Variants in FAM47E observed in about 807,000 individuals in gnomAD.
FAM47E encodes the protein protein FAM47E.
FAM47E carries 32 observed loss-of-function variants against 41.6 expected under a neutral mutation model. That is an observed-to-expected ratio of 0.77 (90% CI 0.58 to 1.03). FAM47E has a LOEUF of 1.03. FAM47E is among the 50% of genes least tolerant of loss of function. FAM47E has a pLI of 0.00. For synonymous variants in FAM47E, 184 were observed against 188.7 expected (o/e 0.98, Z 0.20); for missense variants, 424 against 485.4 (o/e 0.87, Z 1.19).
Position 76,283,247 on chromosome 4 carries a change from T to C in FAM47E, c.1105-134T>C, listed in dbSNP as rs369323350. On this transcript the variant is annotated intron_variant, in intron 7 of 7. Transcript: ENST00000424749. The stretch of plus-strand genomic sequence containing the variant: ...ATCTATCATGGTCAGATTATTAACA[T>C]GTGATTTTGCATAGTGTAAGGATAT... 8.2e-6 allele frequency: 3 copies of C among 367,380 alleles called. No homozygotes were observed. In the East Asian group the frequency reaches 9.0e-5, roughly 11 times the overall value. The allele number at this position is 367,380 out of a possible 1,614,324, so 22.8% of individuals were successfully genotyped here.
At chr4:76,242,358 G>A (rs986853564) in intron 2 of FAM47E, among the ~76,000 whole-genome samples, 1 of 152,184 alleles carries the variant, frequency 6.6e-6, no homozygotes, top group African/African-American at 2.4e-5. Flanking sequence ...CACCAAGTGA[G>A]ATGCCTGTGC....
upstream of FAM47E, among the ~76,000 whole-genome samples, chr4:76,247,043 C>T (rs563843591): frequency 2.6e-4 from 39 of 152,156 alleles, no homozygotes; most frequent in African/African-American, 9.2e-4. Flanking sequence ...ATCATTATCA[C>T]TATTTCAAAA....
intron 2 of FAM47E, among the ~76,000 whole-genome samples, chr4:76,229,995 C>A (rs1186165063): frequency 6.6e-6 from 1 of 152,198 alleles, no homozygotes; most frequent in African/African-American, 2.4e-5. Flanking sequence ...TTCAAGAGAG[C>A]ACCAGCTACG....
chr4:76,247,863 A>T (rs1733860329), upstream of FAM47E, among the ~76,000 whole-genome samples: 1 of 145,370 alleles, frequency 6.9e-6, no homozygotes, highest in Non-Finnish European at 1.5e-5. Flanking sequence ...TATCAGGTAT[A>T]TGATGTGCAA....
At chr4:76,214,122 T>C (rs1194791023) in exon 1 of FAM47E, 1 of 417,600 alleles carries the variant, frequency 2.4e-6, no homozygotes, top group African/African-American at 2.1e-5. Context: ...ATTCCGCAGA[T>C]AGGTCTGAGG....
At chr4:76,283,026 T>G (rs1221224905) in intron 7 of FAM47E, 1 of 176,130 alleles carries the variant, frequency 5.7e-6, no homozygotes, top group African/African-American at 2.4e-5. Context: ...TTCCAGTATC[T>G]GCTGCTGGAT....
At chr4:76,251,841 C>A in intron 1 of FAM47E, 21 bp downstream of exon 1, 1 of 1,407,468 alleles carries the variant, frequency 7.1e-7, no homozygotes, top group Non-Finnish European at 9.2e-7. Flanking sequence ...AGCGCCCGGG[C>A]CGAGGGCGCA....
intron 2 of FAM47E, among the ~76,000 whole-genome samples, chr4:76,222,416 C>A (rs530934389): frequency 6.6e-6 from 1 of 152,050 alleles, no homozygotes; most frequent in African/African-American, 2.4e-5. Context: ...TTAGTACAGA[C>A]GGGGTTTCAC....
At chr4:76,237,184 C>T (rs568422838) in intron 2 of FAM47E, among the ~76,000 whole-genome samples, 4 of 152,014 alleles carry the variant, frequency 2.6e-5, no homozygotes, top group East Asian at 1.9e-4. Flanking sequence ...TGTGAGCCAC[C>T]GCGCCTGGCC....
At chr4:76,263,900 A>G in intron 3 of FAM47E, 57 bp downstream of exon 3, 1 of 1,525,134 alleles carries the variant, frequency 6.6e-7, no homozygotes, top group Non-Finnish European at 8.8e-7. Context: ...ACATTCTAGG[A>G]ATTACCTTCT....
chr4:76,221,282 T>C (rs1733302767), intron 2 of FAM47E, among the ~76,000 whole-genome samples: 1 of 152,170 alleles, frequency 6.6e-6, no homozygotes, highest in Non-Finnish European at 1.5e-5. Context: ...GGGGAGTTTT[T>C]CTTTTCCCCA....
At chr4:76,249,085 C>T (rs921393319), upstream of FAM47E, among the ~76,000 whole-genome samples, 2 of 151,818 alleles carry the variant, frequency 1.3e-5, no homozygotes, top group South Asian at 4.2e-4. Flanking sequence ...AAAATTAGCC[C>T]GGCATGGTGG....
At chr4:76,220,822 T>C (rs893143747) in intron 2 of FAM47E, among the ~76,000 whole-genome samples, 1 of 152,194 alleles carries the variant, frequency 6.6e-6, no homozygotes, top group Non-Finnish European at 1.5e-5. Context: ...CAGTCATAGG[T>C]ACATTTTCTG....
At position 76,271,655 on chromosome 4, in the gene FAM47E, A is replaced by C. The variant is rs977392038; in HGVS notation, c.757A>C (p.Met253Leu). 71 of 1,552,064 alleles carry C rather than the reference A, an allele frequency of 4.6e-5. No individual in the cohort carries two copies. The highest frequency in any genetic ancestry group is 6.0e-5 in the Non-Finnish European group (69 of 1,147,096). The stretch of plus-strand genomic sequence containing the variant: ...ACCAAGCCATGATGCGCTCCACACG[A>C]TGAAGCTAAATCAGGTTCCTCTGGA... ...TKPSHDALHT[M>L]KLNQVPLELK... Residue 253 changes from methionine to leucine, a missense_variant, in exon 5 of 8, where the codon ATG becomes CTG. By Grantham distance (15) the Met-to-Leu change is conservative. Transcript: ENST00000424749.
At chr4:76,281,237 A>G (rs1735332763) in intron 7 of FAM47E, 1 of 152,206 alleles carries the variant, frequency 6.6e-6, no homozygotes, top group Non-Finnish European at 1.5e-5. Context: ...GATAGAACTA[A>G]CAATAGCTGA....
At chr4:76,276,037 GACACACAC>G (rs796893693) in intron 5 of FAM47E, among the ~76,000 whole-genome samples, 7 of 62,348 alleles carry the variant, frequency 1.1e-4, no homozygotes, top group African/African-American at 3.9e-4. Flanking sequence ...CAGACAGACA[GACACACAC>G]ACACACACAC....
chr4:76,256,018 A>G (rs1429541673), intron 1 of FAM47E, among the ~76,000 whole-genome samples, 160 bp from the exon 2 acceptor site: 1 of 152,124 alleles, frequency 6.6e-6, no homozygotes. Context: ...TAGGAATATG[A>G]TTAACTCCAG....
upstream of FAM47E, among the ~76,000 whole-genome samples, chr4:76,250,806 A>C (rs1189721506): frequency 6.6e-6 from 1 of 152,208 alleles, no homozygotes; most frequent in Non-Finnish European, 1.5e-5. Flanking sequence ...TTAAGTAGTC[A>C]GGACAAATAT....
At chr4:76,241,360 TG>T (rs1010917592) in intron 2 of FAM47E, among the ~76,000 whole-genome samples, 1 of 151,934 alleles carries the variant, frequency 6.6e-6, no homozygotes, top group Non-Finnish European at 1.5e-5. Context: ...TTTGCCACAA[TG>T]GGGGGGAAGG....
Sources: allele counts gnomAD v4.1 joint callset (sites outside exome capture counted in the v4.1 genomes callset), GRCh38; gene constraint gnomAD v4.1.1; transcripts MANE v1.5; gene names NCBI Gene and HGNC (gene_info 2026-07-23, HGNC 2026-07-21).